Variants in ZCCHC17 observed in about 807,000 individuals in gnomAD.
ZCCHC17 encodes the protein zinc finger CCHC-type containing 17.
Under a neutral mutation model 30.6 loss-of-function variants are expected in ZCCHC17, and 18 were observed. The ratio of observed to expected loss-of-function variants is 0.59; its 90% CI spans 0.41 to 0.87. The LOEUF is 0.87. Ranked by LOEUF, ZCCHC17 falls within the 40% of genes least tolerant of loss-of-function variation. The probability of loss-of-function intolerance (pLI) is 0.00; values close to 1 mark genes in which losing one functional copy is unlikely to be tolerated. For missense variants in ZCCHC17, 263 were observed against 284.2 expected (o/e 0.93, Z 0.54); for synonymous variants, 88 against 92.4 (o/e 0.95, Z 0.27).
At chr1:31,331,244 G>T (rs1415530541) in intron 3 of ZCCHC17, among the ~76,000 whole-genome samples, 1 of 151,972 alleles carries the variant, frequency 6.6e-6, no homozygotes, top group African/African-American at 2.4e-5. Context: ...CGGTTCAAGT[G>T]ATTCCTGTGC....
intron 3 of ZCCHC17, among the ~76,000 whole-genome samples, chr1:31,334,320 T>A (rs1385852747): frequency 1.7e-5 from 1 of 58,266 alleles, no homozygotes; most frequent in African/African-American, 7.3e-5. Context: ...TCTCTCTCTC[T>A]CTCTCTCTCT....
At chr1:31,298,083 GA>G (rs1646211856) in intron 1 of ZCCHC17, among the ~76,000 whole-genome samples, 2 of 152,200 alleles carry the variant, frequency 1.3e-5, no homozygotes, top group Admixed American at 6.5e-5. Context: ...GGGGGTTGGG[GA>G]AGCCCTAGTC....
intron 5 of ZCCHC17, among the ~76,000 whole-genome samples, chr1:31,343,100 G>A (rs1306334166): frequency 6.6e-6 from 1 of 152,152 alleles, no homozygotes; most frequent in Non-Finnish European, 1.5e-5. Context: ...TTTTGAGATG[G>A]ACTCTTGCTC....
Position 31,310,131 on chromosome 1 carries a change from C to T in ZCCHC17, c.33C>T (p.Asn11=), listed in dbSNP as rs1391859527. The change falls in exon 2 of 8, where the codon AAC becomes AAT. Residue 11 remains asparagine, a synonymous_variant. Transcript: ENST00000344147. ...CAGGAAGGCCTGAGACCATGGAAAA[C>T]TTGCCTGCTCTCTACACTATTTTCC... MNSGRPETME[N]LPALYTIFQG... is the part of the protein sequence containing the mutation. 3 of 1,614,004 alleles carry T rather than the reference C, an allele frequency of 1.9e-6. No individual in the cohort carries two copies. Among genetic ancestry groups the T allele is most frequent in the Non-Finnish European group, 2.5e-6 (3 of 1,180,020 alleles).
intron 7 of ZCCHC17, among the ~76,000 whole-genome samples, chr1:31,349,971 T>C (rs946319165): frequency 1.6e-4 from 25 of 152,372 alleles, no homozygotes; most frequent in African/African-American, 3.8e-4. Flanking sequence ...TTTTATCAAA[T>C]TGCCTTCCAG....
chr1:31,316,184 C>T (rs759619782), intron 2 of ZCCHC17, among the ~76,000 whole-genome samples: 2 of 152,308 alleles, frequency 1.3e-5, no homozygotes, highest in East Asian at 1.9e-4. Context: ...TCACTGCAAC[C>T]ATGACCTCCT....
At chr1:31,327,973 A>C (rs1553122519) in intron 3 of ZCCHC17, among the ~76,000 whole-genome samples, 1 of 152,138 alleles carries the variant, frequency 6.6e-6, no homozygotes, top group Non-Finnish European at 1.5e-5. Context: ...GAACATATGT[A>C]CCCCCGGAAT....
At chr1:31,303,483 G>A (rs1646369628) in intron 1 of ZCCHC17, among the ~76,000 whole-genome samples, 1 of 152,146 alleles carries the variant, frequency 6.6e-6, no homozygotes, top group African/African-American at 2.4e-5. Flanking sequence ...GCTGGAAAAT[G>A]ATAACAACAA....
intron 1 of ZCCHC17, among the ~76,000 whole-genome samples, chr1:31,304,416 T>C (rs145606949): frequency 0.012 from 1,823 of 152,062 alleles, 27 homozygotes; most frequent in African/African-American, 0.033. Flanking sequence ...CCCGAGTAGC[T>C]GGGATTACAG....
intron 7 of ZCCHC17, among the ~76,000 whole-genome samples, chr1:31,361,141 T>C (rs1639874160): frequency 6.6e-6 from 1 of 152,226 alleles, no homozygotes; most frequent in Non-Finnish European, 1.5e-5. Flanking sequence ...ATAGCTAAAC[T>C]ATTGATTTGC....
At chr1:31,337,093 A>G in intron 3 of ZCCHC17, 82 bp from the exon 4 acceptor site, 3 of 1,309,254 alleles carry the variant, frequency 2.3e-6, no homozygotes, top group Non-Finnish European at 3.2e-6. Flanking sequence ...TGCATTCCCC[A>G]ACTCTTACCT....
rs762726112 is a variant in ZCCHC17, at chr1:31,337,187, G to T, written c.137G>T (p.Arg46Leu). Residue 46 changes from arginine to leucine, a missense_variant, in exon 4 of 8, where the codon CGA (arginine) becomes CTA (leucine). Arg to Leu is a moderately radical substitution (Grantham distance 102). Coordinates refer to ENST00000344147, the MANE Select transcript of ZCCHC17 (RefSeq NM_016505.4). ...TTCTTGTGCCCAGGTCTGGTCCATC[G>T]AACTCATATGTCATCCTGTCGGGTG... ...PGCRKQGLVHRTHMSSCRVDK... is the reference protein window; with the variant it reads ...PGCRKQGLVHLTHMSSCRVDK... The T allele has an allele frequency of 1.2e-6, 2 of 1,613,878 alleles. No homozygotes were observed.
intron 7 of ZCCHC17, among the ~76,000 whole-genome samples, chr1:31,349,191 A>C (rs1338194193): frequency 6.6e-6 from 1 of 151,994 alleles, no homozygotes; most frequent in Non-Finnish European, 1.5e-5. Flanking sequence ...GTGAGACCCA[A>C]TCTCTAAAAA....
rs183254346 is a variant in ZCCHC17 at position 31,345,850 on chromosome 1, A to C, written c.318-790A>C. On this transcript the variant is annotated intron_variant, in intron 5 of 7. Coordinates refer to ENST00000344147, the MANE Select transcript of ZCCHC17 (RefSeq NM_016505.4). ...AACTCCCTCACTATCACATGGGGGA[A>C]ATCCGACCCCATTATCCAATCACCT... 4.6e-3 allele frequency among the ~76,000 whole-genome samples: 692 copies of C among 151,818 alleles called. 9 individuals are homozygous for C. The highest frequency in any genetic ancestry group is 0.016 in the African/African-American group (661 of 41,362).
At chr1:31,311,218 C>T (rs1646593413) in intron 2 of ZCCHC17, among the ~76,000 whole-genome samples, 1 of 152,294 alleles carries the variant, frequency 6.6e-6, no homozygotes, top group Middle Eastern at 3.4e-3. Flanking sequence ...AGCCATTGTG[C>T]TTGGCCTAGA....
chr1:31,355,576 C>T (rs1569926121), intron 7 of ZCCHC17, among the ~76,000 whole-genome samples: 2 of 152,304 alleles, frequency 1.3e-5, no homozygotes, highest in Non-Finnish European at 2.9e-5. Context: ...TAACCCATGT[C>T]TTCAGATTAC....
chr1:31,323,996 A>G (rs570805005), intron 3 of ZCCHC17, among the ~76,000 whole-genome samples: 1 of 152,322 alleles, frequency 6.6e-6, no homozygotes, highest in South Asian at 2.1e-4. Flanking sequence ...CTAAGACATA[A>G]TTATGCCTCA....
rs927774435 is a variant in ZCCHC17, at chr1:31,335,030, C to G, written c.125-2145C>G. On this transcript the variant is annotated intron_variant, in intron 3 of 7. Coordinates refer to ENST00000344147, the MANE Select transcript of ZCCHC17 (RefSeq NM_016505.4). ...GAAACTTAATTGGGAAACATTTTGGCCAATCTTGTCAGGGGCTTCCAGGAT... is the reference window on the plus strand; with the variant it reads ...GAAACTTAATTGGGAAACATTTTGGGCAATCTTGTCAGGGGCTTCCAGGAT... Among the ~76,000 whole-genome samples, 6 of 152,196 alleles carry G rather than the reference C, an allele frequency of 3.9e-5. No homozygotes were observed. In the East Asian group the frequency reaches 1.2e-3, roughly 29 times the overall value.
chr1:31,354,585 TGGTA>T (rs940586861), intron 7 of ZCCHC17, among the ~76,000 whole-genome samples: 25 of 152,344 alleles, frequency 1.6e-4, no homozygotes, highest in Admixed American at 1.5e-3. Context: ...TAGAGGTAAA[TGGTA>T]CTTGTTACAT....
Sources: allele counts gnomAD v4.1 joint callset (sites outside exome capture counted in the v4.1 genomes callset), GRCh38; gene constraint gnomAD v4.1.1; transcripts MANE v1.5; gene names NCBI Gene and HGNC (gene_info 2026-07-23, HGNC 2026-07-21).